The following AIF1L variants were observed in gnomAD, a reference collection of about 807,000 sequenced individuals.
The protein encoded by AIF1L is allograft inflammatory factor 1-like.
In AIF1L, 12 loss-of-function variants were observed where a neutral mutation model predicts 20.7. That is an observed-to-expected ratio of 0.58 (90% CI 0.37 to 0.94). The LOEUF (loss-of-function observed/expected upper bound fraction) is 0.94, where lower values mean the gene tolerates loss of function less well. Ranked by LOEUF, AIF1L falls within the 40% of genes least tolerant of loss-of-function variation. AIF1L has a pLI of 0.01. For synonymous variants in AIF1L, 76 were observed against 65.1 expected (o/e 1.17, Z -0.81); for missense variants, 173 against 185.3 (o/e 0.93, Z 0.39).
chr9:131,110,891 G>C (rs149356644), intron 2 of AIF1L, among the ~76,000 whole-genome samples: 9,599 of 151,986 alleles, frequency 0.063, 401 homozygotes, highest in South Asian at 0.14. Flanking sequence ...GCCGGGCGCG[G>C]TGGCTCACAC....
intron 5 of AIF1L, among the ~76,000 whole-genome samples, chr9:131,119,492 ACT>A (rs1376328658): frequency 4.4e-5 from 6 of 137,294 alleles, no homozygotes; most frequent in East Asian, 2.1e-4. Context: ...CAAGAACAAA[ACT>A]CTGTCTCAAA....
intron 2 of AIF1L, among the ~76,000 whole-genome samples, chr9:131,109,173 T>G (rs1830818801): frequency 6.9e-6 from 1 of 144,948 alleles, no homozygotes. Context: ...GTGTGCACTG[T>G]GTCCCCCCAG....
intron 2 of AIF1L, among the ~76,000 whole-genome samples, chr9:131,101,836 A>G (rs780988528): frequency 5.9e-5 from 9 of 152,100 alleles, no homozygotes; most frequent in South Asian, 2.1e-4. Flanking sequence ...TACTGTCCCA[A>G]TGGTCCAGCC....
Position 131,121,329 on chromosome 9 carries a change from T to G in AIF1L, c.*1007T>G, listed in dbSNP as rs1479619039. 2 of 555,348 alleles carry G rather than the reference T, an allele frequency of 3.6e-6. No homozygotes were observed. Among genetic ancestry groups the G allele is most frequent in the East Asian group, 3.0e-5 (1 of 33,732 alleles). The allele number at this position is 555,348 out of a possible 1,614,324, so 34.4% of individuals were successfully genotyped here. Reference sequence around the variant, plus strand: ...CCAGATATTTATTGACCTGCTATTATAAGCTTTACATCCTCCCATGTTGTC... The same window carrying G: ...CCAGATATTTATTGACCTGCTATTAGAAGCTTTACATCCTCCCATGTTGTC... On this transcript the variant is annotated 3_prime_UTR_variant, in exon 6 of 6. Transcript: ENST00000247291.
chr9:131,098,668 G>A (rs990332033), intron 2 of AIF1L, among the ~76,000 whole-genome samples: 2 of 152,138 alleles, frequency 1.3e-5, no homozygotes, highest in African/African-American at 4.8e-5. Flanking sequence ...TTGGGAAACC[G>A]ACTAGCTTGG....
chr9:131,110,862 C>T (rs1830861923), intron 2 of AIF1L, among the ~76,000 whole-genome samples: 1 of 151,748 alleles, frequency 6.6e-6, no homozygotes, highest in Non-Finnish European at 1.5e-5. Flanking sequence ...GTAGATAAGG[C>T]AATAGAAGTG....
chr9:131,115,055 T>G (rs1830976717), intron 4 of AIF1L, among the ~76,000 whole-genome samples: 1 of 152,204 alleles, frequency 6.6e-6, no homozygotes, highest in Non-Finnish European at 1.5e-5. Flanking sequence ...CTACTGGCAC[T>G]TACGTTCTGG....
intron 2 of AIF1L, chr9:131,106,046 T>C (rs1442928887): frequency 1.8e-5 from 16 of 890,424 alleles, no homozygotes; most frequent in Non-Finnish European, 2.6e-5. Flanking sequence ...TTCAAACTTC[T>C]GGCCTCAAGT....
chr9:131,115,974 CAAAA>C (rs148734354), intron 4 of AIF1L, among the ~76,000 whole-genome samples: 3 of 82,246 alleles, frequency 3.6e-5, no homozygotes, highest in African/African-American at 8.5e-5. Context: ...GACTTCGTCT[CAAAA>C]AAAAAAAAAA....
chr9:131,109,176 C>T (rs1025965934), intron 2 of AIF1L, among the ~76,000 whole-genome samples: 3 of 140,186 alleles, frequency 2.1e-5, no homozygotes, highest in Admixed American at 1.5e-4. Flanking sequence ...TGCACTGTGT[C>T]CCCCCAGAAT....
chr9:131,117,819 A>T lies in AIF1L; in HGVS notation c.266A>T (p.Lys89Met). Residue 89 changes from lysine (K) to methionine (M), a missense_variant, in exon 5 of 6, where the codon AAG (lysine) becomes ATG (methionine). By Grantham distance (95) the Lys-to-Met change is moderately conservative (BLOSUM62 -1). Transcript: ENST00000247291. ...LGVPKTHLEM[K>M]KMISEVTGGV... ...GTCCCCAAGACCCACCTGGAGATGAAGAAGATGATCTCAGAGGTGACAGGA... is the reference window on the plus strand; with the variant it reads ...GTCCCCAAGACCCACCTGGAGATGATGAAGATGATCTCAGAGGTGACAGGA... 6.2e-7 allele frequency: 1 copy of T among 1,614,094 alleles called. No homozygotes were observed. The highest frequency in any genetic ancestry group is 8.5e-7 in the Non-Finnish European group (1 of 1,180,006).
At chr9:131,099,749 T>A (rs1294156242) in intron 2 of AIF1L, among the ~76,000 whole-genome samples, 49 of 125,922 alleles carry the variant, frequency 3.9e-4, no homozygotes, top group Admixed American at 2.9e-3. Context: ...TTTTTTTTTT[T>A]AGACAGAGTC....
intron 2 of AIF1L, among the ~76,000 whole-genome samples, 168 bp downstream of exon 2, chr9:131,097,031 C>T (rs551568814): frequency 1.6e-4 from 25 of 152,332 alleles, no homozygotes; most frequent in African/African-American, 5.8e-4. Context: ...GCCTCCGACT[C>T]CAGGTAGGTC....
Position 131,114,438 on chromosome 9 carries a change from A to C in AIF1L, c.161-139A>C. ...CCATGGCTCAGCGGATGGGGGACTC[A>C]GGTCAAGACCCTTGGTAGGGTGCGG... On this transcript the variant is annotated intron_variant, in intron 3 of 5. Transcript: ENST00000247291. 4.5e-6 allele frequency: 4 copies of C among 886,560 alleles called. 1 individual carries two copies. Among genetic ancestry groups the C allele is most frequent in the Non-Finnish European group, 7.4e-6 (4 of 539,100 alleles). The allele number at this position is 886,560 out of a possible 1,614,324, so 54.9% of individuals were successfully genotyped here. A position where few individuals can be genotyped will look rare whatever the true frequency, so the allele number is the denominator to read the frequency against.
chr9:131,111,131 G>A (rs1830870397), intron 2 of AIF1L, among the ~76,000 whole-genome samples: 3 of 150,856 alleles, frequency 2.0e-5, no homozygotes, highest in Non-Finnish European at 2.9e-5. Context: ...AGCTGAGATC[G>A]CGCCATTGCA....
At chr9:131,099,230 C>T (rs1830588210) in intron 2 of AIF1L, among the ~76,000 whole-genome samples, 1 of 152,204 alleles carries the variant, frequency 6.6e-6, no homozygotes, top group African/African-American at 2.4e-5. Flanking sequence ...TCCGCCCTGG[C>T]TCATGCTGGT....
intron 3 of AIF1L, 56 bp downstream of exon 3, chr9:131,111,719 CA>C: frequency 6.6e-7 from 1 of 1,525,010 alleles, no homozygotes; most frequent in Non-Finnish European, 9.1e-7. Flanking sequence ...GCTGGCCCCT[CA>C]TCCTTGCACA....
In AIF1L at chr9:131,096,605, A is replaced by T; in HGVS notation, c.-25A>T. 2 of 1,484,256 alleles carry T rather than the reference A, an allele frequency of 1.3e-6. No homozygotes were observed. Among genetic ancestry groups the T allele is most frequent in the East Asian group, 5.8e-5 (2 of 34,282 alleles). 91.9% of individuals were successfully genotyped at this position (1,484,256 alleles called of 1,614,324 possible). ...CCCTCGCCGCGTCCGCGAAGCCTGG[A>T]GCCGGCGGGAGCCCCGCGCTCGCCA... On this transcript the variant is annotated 5_prime_UTR_variant, in exon 1 of 6. Coordinates refer to ENST00000247291, the MANE Select transcript of AIF1L (RefSeq NM_031426.4).
chr9:131,114,447 C>A, intron 3 of AIF1L, 130 bp from the exon 4 acceptor site: 2 of 1,020,424 alleles, frequency 2.0e-6, no homozygotes, highest in Admixed American at 1.8e-5. Flanking sequence ...CAGGTCAAGA[C>A]CCTTGGTAGG....
Sources: gnomAD v4.1 joint callset for allele counts (sites outside exome capture counted in the v4.1 genomes callset) on GRCh38, gnomAD v4.1.1 for gene constraint, MANE v1.5 for transcripts, NCBI Gene and HGNC (gene_info 2026-07-23, HGNC 2026-07-21) for gene names.